Variants in FER1L5 observed in about 807,000 individuals in gnomAD.
The protein encoded by FER1L5 is fer-1 like family member 5.
In FER1L5, 187 loss-of-function variants were observed where a neutral mutation model predicts 279.9. The observed-to-expected ratio is 0.67, with a 90% CI of 0.59 to 0.75. FER1L5 has a LOEUF of 0.75. FER1L5 is among the 30% of genes least tolerant of loss of function. The pLI is 0.00. For synonymous variants in FER1L5, 921 were observed against 989.7 expected (o/e 0.93, Z 1.30); for missense variants, 2,091 against 2,594.4 (o/e 0.81, Z 4.21).
chr2:96,669,257 G>C, intron 17 of FER1L5, 120 bp downstream of exon 17: 2 of 983,518 alleles, frequency 2.0e-6, no homozygotes, highest in South Asian at 3.3e-5. Flanking sequence ...GGGTCTTGTG[G>C]AGGACGTGAA....
intron 42 of FER1L5, among the ~76,000 whole-genome samples, 190 bp downstream of exon 42, chr2:96,699,326 ACT>A (rs1041223902): frequency 1.3e-5 from 2 of 151,838 alleles, no homozygotes; most frequent in African/African-American, 4.8e-5. Context: ...CCTGTTTCTC[ACT>A]CTGGCTGGGA....
At chr2:96,645,984 AC>A (rs1478956892) in intron 1 of FER1L5, among the ~76,000 whole-genome samples, 1 of 146,312 alleles carries the variant, frequency 6.8e-6, no homozygotes, top group Admixed American at 7.1e-5. Context: ...ACTTGCCTTG[AC>A]TTGAAGTTTT....
intron 31 of FER1L5, among the ~76,000 whole-genome samples, 179 bp from the exon 32 acceptor site, chr2:96,693,327 C>A (rs989336266): frequency 9.2e-5 from 14 of 152,270 alleles, no homozygotes; most frequent in African/African-American, 3.4e-4. Flanking sequence ...TGATGCCTGG[C>A]CTCTGGTGAC....
At chr2:96,657,840 A>G (rs186833835) in intron 9 of FER1L5, among the ~76,000 whole-genome samples, 1 of 152,236 alleles carries the variant, frequency 6.6e-6, no homozygotes, top group East Asian at 1.9e-4. Flanking sequence ...CTATAGTTTA[A>G]TTATCCATTC....
At chr2:96,673,402 G>GA in intron 19 of FER1L5, 148 bp downstream of exon 19, 1 of 847,892 alleles carries the variant, frequency 1.2e-6, no homozygotes, top group Non-Finnish European at 1.7e-6. Flanking sequence ...TCAGGGAGGT[G>GA]AAGTCATTTG....
In FER1L5 at chr2:96,694,727, T is replaced by C. The variant is rs1487237228; in HGVS notation, c.3741+263T>C. 1.2e-5 allele frequency: 4 copies of C among 340,320 alleles called. No homozygotes were observed. Among genetic ancestry groups the C allele is most frequent in the Non-Finnish European group, 2.1e-5 (4 of 189,430 alleles). The allele number at this position is 340,320 out of a possible 1,614,324, so 21.1% of individuals were successfully genotyped here. On this transcript the variant is annotated intron_variant, in intron 34 of 52. Coordinates refer to ENST00000624922, the MANE Select transcript of FER1L5 (RefSeq NM_001293083.2). The surrounding 1 kb of genome is among the most constrained non-coding windows in gnomAD (Gnocchi z 4.6). ...TCACTTGTGGGACTCACGCTGCCCCTGCGCAGTAGCAACTACTTTGCAGAG... is the reference window on the plus strand; with the variant it reads ...TCACTTGTGGGACTCACGCTGCCCCCGCGCAGTAGCAACTACTTTGCAGAG...
intron 6 of FER1L5, 143 bp from the exon 7 acceptor site, chr2:96,651,749 C>A: frequency 8.4e-7 from 1 of 1,183,550 alleles, no homozygotes; most frequent in Non-Finnish European, 1.2e-6. Flanking sequence ...TCAAGCGATT[C>A]TCCCACCTCG....
chr2:96,656,642 A>G (rs1314220627), intron 9 of FER1L5, among the ~76,000 whole-genome samples: 1 of 152,212 alleles, frequency 6.6e-6, no homozygotes, highest in Admixed American at 6.5e-5. Flanking sequence ...AAAAACAAAA[A>G]CAAAAAACAA....
At chr2:96,682,397 A>AT (rs1208592116) in intron 19 of FER1L5, among the ~76,000 whole-genome samples, 2 of 152,118 alleles carry the variant, frequency 1.3e-5, no homozygotes, top group African/African-American at 4.8e-5. Context: ...CGGCCAAGAG[A>AT]TTTTTTGAGA....
In FER1L5 at chr2:96,702,771, G is replaced by A. The variant is rs11684488; in HGVS notation, c.5397+30G>A. The stretch of plus-strand genomic sequence containing the variant: ...CAGGCCTGGGGCGTGAGGGGCAACA[G>A]GCCACAACAAACAGACCCAGGCTCC... On this transcript the variant is annotated intron_variant, in intron 48 of 52. Transcript: ENST00000624922. The surrounding 1 kb of genome is among the most constrained non-coding windows in gnomAD (Gnocchi z 4.0). The A allele has an allele frequency of 6.2e-7, 1 of 1,609,978 alleles. No individual in the cohort carries two copies. The highest frequency in any genetic ancestry group is 8.5e-7 in the Non-Finnish European group (1 of 1,178,520).
chr2:96,703,088 G>A lies in FER1L5; in HGVS notation c.5497+11G>A, dbSNP rs775287808. 2.5e-6 allele frequency: 4 copies of A among 1,613,748 alleles called. No homozygotes were observed. The South Asian group carries it at 3.3e-5, about 13-fold the overall frequency. On this transcript the variant is annotated intron_variant, in intron 49 of 52. Transcript: ENST00000624922. Reference sequence around the variant, plus strand: ...CCGACGACTTCCTAGGTGAGGTCCTGACACAGGGCTTGTGACCACAGGACA... The same window carrying A: ...CCGACGACTTCCTAGGTGAGGTCCTAACACAGGGCTTGTGACCACAGGACA...
chr2:96,649,832 G>A (rs185249959), intron 5 of FER1L5, among the ~76,000 whole-genome samples, 155 bp downstream of exon 5: 22 of 152,348 alleles, frequency 1.4e-4, no homozygotes, highest in African/African-American at 5.3e-4. Flanking sequence ...GGGTCTAGAT[G>A]CCAGATCTCC....
Position 96,668,671 on chromosome 2 carries a change from C to A in FER1L5, c.1141-80C>A. The A allele has an allele frequency of 2.0e-6, 3 of 1,508,946 alleles. No homozygotes were observed. The South Asian group carries it at 3.6e-5, about 18-fold the overall frequency. The allele number at this position is 1,508,946 out of a possible 1,614,324, so 93.5% of individuals were successfully genotyped here. On this transcript the variant is annotated intron_variant, in intron 14 of 52. Coordinates refer to ENST00000624922, the MANE Select transcript of FER1L5 (RefSeq NM_001293083.2). ...AGGACTTGCTCCCAGACCCGCGACT[C>A]CCTACCTGTTCTTAAAATCTCCACG...
In FER1L5 at chr2:96,687,802, G is replaced by A. The variant is rs2076987405; in HGVS notation, c.2230-14G>A. ...GTTTAGTGCCCCTGTGGGACCGATCGGCCTCTGGCTCAGTACCCAGAGGGT... is the reference window on the plus strand; with the variant it reads ...GTTTAGTGCCCCTGTGGGACCGATCAGCCTCTGGCTCAGTACCCAGAGGGT... On this transcript the variant is annotated splice_polypyrimidine_tract_variant and intron_variant, in intron 23 of 52. Coordinates refer to ENST00000624922, the MANE Select transcript of FER1L5 (RefSeq NM_001293083.2). 1.9e-6 allele frequency: 3 copies of A among 1,546,698 alleles called. No individual in the cohort carries two copies. The highest frequency in any genetic ancestry group is 2.6e-6 in the Non-Finnish European group (3 of 1,143,934).
At position 96,695,548 on chromosome 2, in the gene FER1L5, TC is replaced by T; in HGVS notation, c.3787del (p.Gln1263SerfsTer11). On this transcript the variant is annotated frameshift_variant, in exon 35 of 53. Coordinates refer to ENST00000624922, the MANE Select transcript of FER1L5 (RefSeq NM_001293083.2). LOFTEE classifies it high-confidence loss of function. ...WGLRNMKKAS[S>X]PQLLVEFGEE... Reference sequence around the variant, plus strand: ...CCTTCGGAACATGAAGAAGGCGAGCTCCCCCCAGCTCCTGGTGGAATTCGGG... The same window carrying T: ...CCTTCGGAACATGAAGAAGGCGAGCTCCCCCAGCTCCTGGTGGAATTCGGG... The T allele has an allele frequency of 1.9e-6, 3 of 1,591,994 alleles. No homozygotes were observed. Among genetic ancestry groups the T allele is most frequent in the South Asian group, 1.1e-5 (1 of 87,342 alleles).
At chr2:96,646,908 G>GCAAA (rs146838118) in intron 2 of FER1L5, among the ~76,000 whole-genome samples, 156 bp from the exon 3 acceptor site, 2,143 of 152,342 alleles carry the variant, frequency 0.014, 46 homozygotes, top group African/African-American at 0.049. Context: ...GTGAAAGGTA[G>GCAAA]CAAACGCCAT....
chr2:96,683,570 G>T (rs944284936), intron 19 of FER1L5, among the ~76,000 whole-genome samples: 1 of 150,892 alleles, frequency 6.6e-6, no homozygotes, highest in Non-Finnish European at 1.5e-5. Flanking sequence ...GCCTTTCCGG[G>T]GGGGACACAG....
In FER1L5 at chr2:96,704,770, C is replaced by A; in HGVS notation, c.*78C>A. 2 of 1,104,454 alleles carry A rather than the reference C, an allele frequency of 1.8e-6. No homozygotes were observed. The highest frequency in any genetic ancestry group is 1.4e-5 in the South Asian group (1 of 73,348). The allele number at this position is 1,104,454 out of a possible 1,614,324, so 68.4% of individuals were successfully genotyped here. On this transcript the variant is annotated 3_prime_UTR_variant, in exon 53 of 53. Transcript: ENST00000624922. ...CTGGCTACCAGTTCTTTGTTTCTAT[C>A]TTCTAGAATATATGCAAGATGCTAG... is the stretch of plus-strand genomic sequence containing the variant.
rs527641188 is a variant in FER1L5, at chr2:96,691,763, C to T, written c.3076-62C>T. ...AGTGTGAGGGAGGAGGGTGACTGGG[C>T]CTGGGCTAGAGGAAACAGGAGCAGC... On this transcript the variant is annotated intron_variant, in intron 29 of 52. Transcript: ENST00000624922. This position sits in a 1 kb window ranked among gnomAD's most constrained non-coding sequence, Gnocchi z 6.0. 1 of 1,551,466 alleles carries T rather than the reference C, an allele frequency of 6.4e-7. No individual in the cohort carries two copies. Among genetic ancestry groups the T allele is most frequent in the East Asian group, 2.4e-5 (1 of 40,912 alleles).
Sources: allele counts gnomAD v4.1 joint callset (sites outside exome capture counted in the v4.1 genomes callset), GRCh38; gene constraint gnomAD v4.1.1; non-coding constraint Gnocchi (gnomAD v3.1); transcripts MANE v1.5; gene names NCBI Gene and HGNC (gene_info 2026-07-23, HGNC 2026-07-21).